Variants in BTBD9 observed in about 807,000 individuals in gnomAD.
BTBD9 encodes BTB/POZ domain-containing protein 9.
Under a neutral mutation model 64.3 loss-of-function variants are expected in BTBD9, and 49 were observed. The ratio of observed to expected loss-of-function variants is 0.76; its 90% CI spans 0.61 to 0.97. The LOEUF is 0.97. Among genes scored for constraint, BTBD9 ranks in the 50% least tolerant of loss-of-function variants. The pLI is 0.00. For missense variants in BTBD9, 598 were observed against 762.1 expected (o/e 0.78, Z 2.53); for synonymous variants, 260 against 274.7 (o/e 0.95, Z 0.53).
chr6:38,450,269 GGGA>G (rs1769465200), intron 6 of BTBD9, among the ~76,000 whole-genome samples: 1 of 152,220 alleles, frequency 6.6e-6, no homozygotes, highest in East Asian at 1.9e-4. Flanking sequence ...GTGTTTAGCA[GGGA>G]GGAGAAGATG....
intron 9 of BTBD9, among the ~76,000 whole-genome samples, chr6:38,245,817 A>C (rs1382407733): frequency 1.3e-5 from 2 of 152,220 alleles, no homozygotes; most frequent in African/African-American, 4.8e-5. Context: ...TTAATAAGAA[A>C]GTTATTTCCA....
chr6:38,637,874 A>T (rs534433253), intron 1 of BTBD9, among the ~76,000 whole-genome samples: 27 of 152,352 alleles, frequency 1.8e-4, no homozygotes, highest in Middle Eastern at 6.8e-3. Context: ...TGATTAATAC[A>T]ACCTCTATCC....
chr6:38,398,231 T>C lies in BTBD9; in HGVS notation c.1155-53138A>G, dbSNP rs113503118. Among the ~76,000 whole-genome samples, 7 of 152,300 alleles carry C rather than the reference T, an allele frequency of 4.6e-5. 1 individual carries two copies. The highest frequency in any genetic ancestry group is 1.7e-4 in the African/African-American group (7 of 41,566). ...ATGAAGCACAATTTTAAAAACACTA[T>C]ATTAAATGACTTCTCTAGGCCTTTA... On this transcript the variant is annotated intron_variant, in intron 6 of 10. Transcript: ENST00000481247.
Position 38,567,137 on chromosome 6 carries a change from T to C in BTBD9, c.1154+10463A>G, listed in dbSNP as rs1474710076. 2.6e-5 allele frequency among the ~76,000 whole-genome samples: 4 copies of C among 152,258 alleles called. 1 individual carries two copies. The highest frequency in any genetic ancestry group is 2.6e-4 in the Admixed American group (4 of 15,292). On this transcript the variant is annotated intron_variant, in intron 6 of 10. Coordinates refer to ENST00000481247, the MANE Select transcript of BTBD9 (RefSeq NM_001099272.2). ...CACTAACTTTGAAACCATAGCATAC[T>C]GTAGTTTTATCAGTAACTAATGTGT... is the stretch of plus-strand genomic sequence containing the variant.
chr6:38,552,754 G>GA (rs201496890), intron 6 of BTBD9, among the ~76,000 whole-genome samples: 5,202 of 108,706 alleles, frequency 0.048, 131 homozygotes, highest in Non-Finnish European at 0.07. Context: ...AAAAGAAAAA[G>GA]AAAAAAAAAA....
chr6:38,268,608 C>T (rs988483259), intron 8 of BTBD9, among the ~76,000 whole-genome samples: 1 of 152,212 alleles, frequency 6.6e-6, no homozygotes, highest in African/African-American at 2.4e-5. Flanking sequence ...TCTCTTAACA[C>T]AACCAGTACT....
chr6:38,186,827 C>T (rs9470818), intron 10 of BTBD9, among the ~76,000 whole-genome samples: 77,856 of 152,034 alleles, frequency 0.51, 21,219 homozygotes, highest in Non-Finnish European at 0.62. Flanking sequence ...TTTCTGAATA[C>T]ATTGCAGAGA....
chr6:38,588,925 G>A (rs540900429), intron 4 of BTBD9, among the ~76,000 whole-genome samples: 1 of 152,270 alleles, frequency 6.6e-6, no homozygotes, highest in South Asian at 2.1e-4. Context: ...ATGTAAGACT[G>A]ATAGATTAAT....
At chr6:38,411,772 TA>T (rs541187893) in intron 6 of BTBD9, among the ~76,000 whole-genome samples, 1 of 151,804 alleles carries the variant, frequency 6.6e-6, no homozygotes, top group South Asian at 2.1e-4. Flanking sequence ...CCCGTCTCTA[TA>T]AAAAACATTA....
At chr6:38,200,600 G>A (rs894762352) in intron 9 of BTBD9, among the ~76,000 whole-genome samples, 10 of 152,200 alleles carry the variant, frequency 6.6e-5, no homozygotes, top group Middle Eastern at 6.8e-3. Flanking sequence ...TGATGCCACC[G>A]AAATACAAAA....
At chr6:38,233,205 C>G (rs1441456576) in intron 9 of BTBD9, among the ~76,000 whole-genome samples, 1 of 152,120 alleles carries the variant, frequency 6.6e-6, no homozygotes, top group African/African-American at 2.4e-5. Flanking sequence ...TTAAAAAAGA[C>G]AAGTTGTTCC....
At chr6:38,460,844 G>A (rs564303579) in intron 6 of BTBD9, among the ~76,000 whole-genome samples, 11 of 152,182 alleles carry the variant, frequency 7.2e-5, no homozygotes, top group Non-Finnish European at 1.2e-4. Context: ...GCTGATCTCC[G>A]TCTCCTGACC....
intron 6 of BTBD9, among the ~76,000 whole-genome samples, chr6:38,522,956 G>T (rs539793768): frequency 6.6e-6 from 1 of 152,290 alleles, no homozygotes; most frequent in Admixed American, 6.5e-5. Flanking sequence ...GCTGAGGCGG[G>T]TGGATCACCT....
intron 6 of BTBD9, among the ~76,000 whole-genome samples, chr6:38,552,553 C>T (rs1037291113): frequency 5.9e-5 from 9 of 151,914 alleles, no homozygotes; most frequent in African/African-American, 1.9e-4. Context: ...GATCACCTGA[C>T]GTCAAGAGTT....
intron 1 of BTBD9, among the ~76,000 whole-genome samples, chr6:38,632,955 T>A (rs1263571981): frequency 1.3e-5 from 2 of 151,754 alleles, no homozygotes; most frequent in African/African-American, 2.4e-5. Flanking sequence ...TAAAAATAAA[T>A]AAAAAGTGGG....
In BTBD9 at chr6:38,390,601, C is replaced by A. The variant is rs543633705; in HGVS notation, c.1155-45508G>T. 2.0e-4 allele frequency among the ~76,000 whole-genome samples: 30 copies of A among 152,236 alleles called. No homozygotes were observed. The South Asian group carries it at 2.5e-3, about 13-fold the overall frequency. ...AATCAAGACAAAAAGCATGGGAAAT[C>A]AAAGATCAACCAGACATGGATGCCT... On this transcript the variant is annotated intron_variant, in intron 6 of 10. Transcript: ENST00000481247.
intron 6 of BTBD9, among the ~76,000 whole-genome samples, chr6:38,568,687 AT>A (rs1775628629): frequency 6.6e-6 from 1 of 152,182 alleles, no homozygotes; most frequent in Non-Finnish European, 1.5e-5. Context: ...ATTTCCTCAC[AT>A]GCAGCATGTA....
intron 6 of BTBD9, among the ~76,000 whole-genome samples, chr6:38,509,657 T>C (rs754796612): frequency 1.3e-5 from 2 of 152,080 alleles, no homozygotes; most frequent in African/African-American, 4.8e-5. Flanking sequence ...AAAAAAGGCA[T>C]AGAATTAACA....
intron 6 of BTBD9, among the ~76,000 whole-genome samples, chr6:38,448,765 G>A (rs1048909466): frequency 5.9e-5 from 9 of 152,170 alleles, no homozygotes; most frequent in African/African-American, 2.2e-4. Context: ...TGATCCGCCT[G>A]CCTCGGCCTC....
Sources: allele counts gnomAD v4.1 joint callset (sites outside exome capture counted in the v4.1 genomes callset), GRCh38; gene constraint gnomAD v4.1.1; transcripts MANE v1.5; gene names NCBI Gene and HGNC (gene_info 2026-07-23, HGNC 2026-07-21).